ZNF784: variants seen among roughly 807,000 people sequenced by gnomAD.
The protein encoded by ZNF784 is zinc finger protein 784.
Under a neutral mutation model 3.3 loss-of-function variants are expected in ZNF784, and 5 were observed. That is an observed-to-expected ratio of 1.53 (90% CI 0.80 to 3.22). The LOEUF (loss-of-function observed/expected upper bound fraction) is 3.22, where lower values mean the gene tolerates loss of function less well. Among genes scored for constraint, ZNF784 ranks in the 30% most tolerant of loss-of-function variants. ZNF784 has a pLI of 0.00. For missense variants in ZNF784, 501 were observed against 480.7 expected (o/e 1.04, Z -0.39); for synonymous variants, 231 against 219.6 (o/e 1.05, Z -0.46).
In ZNF784 at chr19:55,622,615, G is replaced by A. The variant is rs1446144827; in HGVS notation, c.108C>T (p.Gly36=). 1.3e-6 allele frequency: 2 copies of A among 1,572,272 alleles called. No homozygotes were observed. Among genetic ancestry groups the A allele is most frequent in the Non-Finnish European group, 1.7e-6 (2 of 1,158,194 alleles). ...LVLVPDDCRP[G]TPPSDLIEIQ... ...TCTCGATGAGGTCACTCGGGGGTGT[G>A]CCAGGCCGGCAGTCATCAGGCACCA... Residue 36 remains glycine (G), a synonymous_variant, in exon 2 of 2, where the codon GGC becomes GGT. Coordinates refer to ENST00000325351, the MANE Select transcript of ZNF784 (RefSeq NM_203374.2). This position sits in a 1 kb window ranked among gnomAD's most constrained non-coding sequence, Gnocchi z 5.9.
At position 55,622,330 on chromosome 19, in the gene ZNF784, G is replaced by T; in HGVS notation, c.393C>A (p.Cys131Ter). The T allele has an allele frequency of 6.6e-7, 1 of 1,510,696 alleles. No homozygotes were observed. The highest frequency in any genetic ancestry group is 8.8e-7 in the Non-Finnish European group (1 of 1,130,860). The allele number at this position is 1,510,696 out of a possible 1,614,324, so 93.6% of individuals were successfully genotyped here. A position where few individuals can be genotyped will look rare whatever the true frequency, so the allele number is the denominator to read the frequency against. Residue 131 changes from cysteine to a stop codon, truncating the protein, a stop_gained, in exon 2 of 2, where the codon TGC (cysteine) becomes TGA (stop). Transcript: ENST00000325351. LOFTEE classifies it low-confidence loss of function (END_TRUNC). The surrounding 1 kb of genome is among the most constrained non-coding windows in gnomAD (Gnocchi z 5.9). ...SLHTGERPYR[C>*]ALCPRAFKAL... is the part of the protein sequence containing the mutation. ...CCTTGAAGGCGCGGGGGCAGAGCGC[G>T]CAGCGGTAGGGCCGCTCCCCCGTGT...
chr19:55,621,693 C>T lies in ZNF784; in HGVS notation c.*58G>A, dbSNP rs1600020333. 3 of 1,568,846 alleles carry T rather than the reference C, an allele frequency of 1.9e-6. No homozygotes were observed. Among genetic ancestry groups the T allele is most frequent in the Non-Finnish European group, 8.6e-7 (1 of 1,162,752 alleles). On this transcript the variant is annotated 3_prime_UTR_variant, in exon 2 of 2. Coordinates refer to ENST00000325351, the MANE Select transcript of ZNF784 (RefSeq NM_203374.2). The surrounding 1 kb of genome is among the most constrained non-coding windows in gnomAD (Gnocchi z 4.1). ...TGCCTCCGTTTCCCCACCCCGTCCC[C>T]CTCCCCGGGTCGGCCTCGTACCTCC...
intron 1 of ZNF784, 42 bp downstream of exon 1, chr19:55,624,442 C>G (rs764568087): frequency 6.6e-7 from 1 of 1,523,796 alleles, no homozygotes. Flanking sequence ...ACGACCTCCT[C>G]CCACCTCGAG....
Position 55,622,287 on chromosome 19 carries a change from G to T in ZNF784, c.436C>A (p.Arg146=). 1 of 1,524,640 alleles carries T rather than the reference G, an allele frequency of 6.6e-7. No homozygotes were observed. Among genetic ancestry groups the T allele is most frequent in the Middle Eastern group, 2.0e-4 (1 of 4,884 alleles). The allele number at this position is 1,524,640 out of a possible 1,614,324, so 94.4% of individuals were successfully genotyped here. A position where few individuals can be genotyped will look rare whatever the true frequency, so the allele number is the denominator to read the frequency against. Residue 146 remains arginine (R), a synonymous_variant, in exon 2 of 2, where the codon CGG becomes AGG. Coordinates refer to ENST00000325351, the MANE Select transcript of ZNF784 (RefSeq NM_203374.2). This position sits in a 1 kb window ranked among gnomAD's most constrained non-coding sequence, Gnocchi z 5.9. ...RAFKALAPLL[R]HQHRHGVEPG... ...TCCACCCCGTGCCGGTGCTGGTGCC[G>T]GAGCAGGGGCGCCAAGGCCTTGAAG...
Position 55,622,543 on chromosome 19 carries a change from C to G in ZNF784, c.180G>C (p.Pro60=). The change falls in exon 2 of 2, where the codon CCG becomes CCC. Residue 60 remains proline, a synonymous_variant. Coordinates refer to ENST00000325351, the MANE Select transcript of ZNF784 (RefSeq NM_203374.2). This position sits in a 1 kb window ranked among gnomAD's most constrained non-coding sequence, Gnocchi z 5.9. ...AGGCACAGTGGAAAGAACCTGGCTC[C>G]GGGGGCTCAGGGACCAGCGTGGTGT... is the stretch of plus-strand genomic sequence containing the variant. ...VTDTTLVPEP[P]EPGSFHCALC... 2 of 1,611,676 alleles carry G rather than the reference C, an allele frequency of 1.2e-6. No individual in the cohort carries two copies. The highest frequency in any genetic ancestry group is 2.2e-5 in the South Asian group (2 of 90,730).
chr19:55,621,756 G>T lies in ZNF784; in HGVS notation c.967C>A (p.Gln323Lys). 5.6e-6 allele frequency: 9 copies of T among 1,596,894 alleles called. No homozygotes were observed. The highest frequency in any genetic ancestry group is 7.6e-6 in the Non-Finnish European group (9 of 1,179,708). The stretch of plus-strand genomic sequence containing the variant: ...CCATGTCCCTGGTCTGCAGCCTACT[G>T]GTCGGCCTCCACCTTCACCTTCGCG... ...ETAKVKVEADQ is the reference protein window; with the variant it reads ...ETAKVKVEADK The change falls in exon 2 of 2, where the codon CAG becomes AAG. Residue 323 changes from glutamine (Q) to lysine (K), a missense_variant. Coordinates refer to ENST00000325351, the MANE Select transcript of ZNF784 (RefSeq NM_203374.2). The surrounding 1 kb of genome is among the most constrained non-coding windows in gnomAD (Gnocchi z 4.1).
rs1488404228 is a variant in ZNF784, at chr19:55,622,327, C to A, written c.396G>T (p.Ala132=). ...AGGCCTTGAAGGCGCGGGGGCAGAGCGCGCAGCGGTAGGGCCGCTCCCCCG... is the reference window on the plus strand; with the variant it reads ...AGGCCTTGAAGGCGCGGGGGCAGAGAGCGCAGCGGTAGGGCCGCTCCCCCG... The part of the protein sequence containing the change: ...LHTGERPYRC[A]LCPRAFKALA... Residue 132 remains alanine, a synonymous_variant, in exon 2 of 2, where the codon GCG becomes GCT. Transcript: ENST00000325351. The surrounding 1 kb of genome is among the most constrained non-coding windows in gnomAD (Gnocchi z 5.9). 1.3e-6 allele frequency: 2 copies of A among 1,509,392 alleles called. No homozygotes were observed. Among genetic ancestry groups the A allele is most frequent in the African/African-American group, 1.4e-5 (1 of 71,544 alleles). The allele number at this position is 1,509,392 out of a possible 1,614,324, so 93.5% of individuals were successfully genotyped here.
At position 55,622,185 on chromosome 19, in the gene ZNF784, C is replaced by T. The variant is rs200843026; in HGVS notation, c.538G>A (p.Glu180Lys). The T allele has an allele frequency of 9.7e-3, 14,867 of 1,533,858 alleles. 101 individuals carry two copies. The highest frequency in any genetic ancestry group is 0.02 in the South Asian group (1,711 of 83,828). Residue 180 changes from glutamate to lysine, a missense_variant, in exon 2 of 2, where the codon GAG becomes AAG. Physicochemically the swap from Glu to Lys is moderately conservative, Grantham distance 56. Coordinates refer to ENST00000325351, the MANE Select transcript of ZNF784 (RefSeq NM_203374.2). This position sits in a 1 kb window ranked among gnomAD's most constrained non-coding sequence, Gnocchi z 5.9. ...GCCGCCGCCGCCGCCATCACCACCT[C>T]CGCCCTCTCCGGGGCCACCCCGGGC... The part of the protein sequence containing the change: ...QRPGVAPERA[E>K]VVMAAAAAGA...
At position 55,622,335 on chromosome 19, in the gene ZNF784, G is replaced by T. The variant is rs1981596926; in HGVS notation, c.388C>A (p.Arg130Ser). ...YSLHTGERPY[R>S]CALCPRAFKA... The stretch of plus-strand genomic sequence containing the variant: ...AAGGCGCGGGGGCAGAGCGCGCAGC[G>T]GTAGGGCCGCTCCCCCGTGTGCAAG... Residue 130 changes from arginine to serine, a missense_variant, in exon 2 of 2, where the codon CGC becomes AGC. Arg to Ser is a moderately radical substitution (Grantham distance 110, BLOSUM62 -1). Coordinates refer to ENST00000325351, the MANE Select transcript of ZNF784 (RefSeq NM_203374.2). The surrounding 1 kb of genome is among the most constrained non-coding windows in gnomAD (Gnocchi z 5.9). 16 of 1,511,794 alleles carry T rather than the reference G, an allele frequency of 1.1e-5. No homozygotes were observed. The highest frequency in any genetic ancestry group is 3.7e-4 in the Middle Eastern group (2 of 5,362). The allele number at this position is 1,511,794 out of a possible 1,614,324, so 93.6% of individuals were successfully genotyped here.
Position 55,622,106 on chromosome 19 carries a change from C to G in ZNF784, c.617G>C (p.Arg206Pro). 6.4e-7 allele frequency: 1 copy of G among 1,563,410 alleles called. No homozygotes were observed. The highest frequency in any genetic ancestry group is 8.6e-7 in the Non-Finnish European group (1 of 1,162,346). ...GTGGTCTCGCATGTCTGAGGAGCGG[C>G]GGAAGGGCTTGGCGCAGAACCTGCA... is the stretch of plus-strand genomic sequence containing the variant. ...FACRFCAKPF[R>P]RSSDMRDHER... Residue 206 changes from arginine (R) to proline (P), a missense_variant, in exon 2 of 2, where the codon CGC (arginine) becomes CCC (proline). Coordinates refer to ENST00000325351, the MANE Select transcript of ZNF784 (RefSeq NM_203374.2). The surrounding 1 kb of genome is among the most constrained non-coding windows in gnomAD (Gnocchi z 5.9).
At chr19:55,624,381 C>A in intron 1 of ZNF784, 103 bp downstream of exon 1, 1 of 1,025,394 alleles carries the variant, frequency 9.8e-7, no homozygotes, top group Admixed American at 2.6e-5. Context: ...CACTAAATAC[C>A]TCCCTCGCCC....
At chr19:55,623,324 G>A (rs1223649441) in intron 1 of ZNF784, among the ~76,000 whole-genome samples, 1 of 152,190 alleles carries the variant, frequency 6.6e-6, no homozygotes, top group Non-Finnish European at 1.5e-5. Context: ...GTGAGCCGCC[G>A]CGCCCGGCCC....
In ZNF784 at chr19:55,621,656, T is replaced by G; in HGVS notation, c.*95A>C. 1 of 1,437,230 alleles carries G rather than the reference T, an allele frequency of 7.0e-7. No individual in the cohort carries two copies. The highest frequency in any genetic ancestry group is 9.4e-7 in the Non-Finnish European group (1 of 1,065,624). The allele number at this position is 1,437,230 out of a possible 1,614,324, so 89.0% of individuals were successfully genotyped here. On this transcript the variant is annotated 3_prime_UTR_variant, in exon 2 of 2. Transcript: ENST00000325351. This position sits in a 1 kb window ranked among gnomAD's most constrained non-coding sequence, Gnocchi z 4.1. ...CTGTCATCTCTCCCCCAATCTCCCC[T>G]CTTCTGTCCCCTGCCTCCGTTTCCC... is the stretch of plus-strand genomic sequence containing the variant.
rs959361594 is a variant in ZNF784 at position 55,621,361 on chromosome 19, C to T, written c.*390G>A. On this transcript the variant is annotated 3_prime_UTR_variant, in exon 2 of 2. Transcript: ENST00000325351. The surrounding 1 kb of genome is among the most constrained non-coding windows in gnomAD (Gnocchi z 4.1). ...AGACTATGGTGGACCCCAATTCCCC[C>T]CTTCCATTCGATCCTGGCTCCTCCT... 9.4e-6 allele frequency: 3 copies of T among 319,210 alleles called. No homozygotes were observed. Among genetic ancestry groups the T allele is most frequent in the South Asian group, 6.5e-5 (2 of 30,748 alleles). The allele number at this position is 319,210 out of a possible 1,614,324, so 19.8% of individuals were successfully genotyped here.
Position 55,624,417 on chromosome 19 carries a change from C to T in ZNF784, c.78+67G>A, listed in dbSNP as rs758270021. ...ACCCCCTCATAGGCCACGCCCCGGA[C>T]CCGCCCCCCACACTACGACCTCCTC... On this transcript the variant is annotated intron_variant, in intron 1 of 1. Coordinates refer to ENST00000325351, the MANE Select transcript of ZNF784 (RefSeq NM_203374.2). 6 of 1,397,586 alleles carry T rather than the reference C, an allele frequency of 4.3e-6. No homozygotes were observed. The Admixed American group carries it at 8.8e-5, about 21-fold the overall frequency. The allele number at this position is 1,397,586 out of a possible 1,614,324, so 86.6% of individuals were successfully genotyped here.
Position 55,621,569 on chromosome 19 carries a change from G to A in ZNF784, c.*182C>T. On this transcript the variant is annotated 3_prime_UTR_variant, in exon 2 of 2. Coordinates refer to ENST00000325351, the MANE Select transcript of ZNF784 (RefSeq NM_203374.2). This position sits in a 1 kb window ranked among gnomAD's most constrained non-coding sequence, Gnocchi z 4.1. ...AGAGGTGCTGTGTGGGCGTGTGGGA[G>A]TCTGGAGCCTGGCCCTCTCCCTCTG... 1.2e-6 allele frequency: 1 copy of A among 806,302 alleles called. No individual in the cohort carries two copies. Among genetic ancestry groups the A allele is most frequent in the African/African-American group, 1.7e-5 (1 of 58,252 alleles). The allele number at this position is 806,302 out of a possible 1,614,324, so 49.9% of individuals were successfully genotyped here.
At chr19:55,624,029 C>T (rs1012740241) in intron 1 of ZNF784, among the ~76,000 whole-genome samples, 53 of 152,112 alleles carry the variant, frequency 3.5e-4, no homozygotes, top group Non-Finnish European at 7.2e-4. Flanking sequence ...ATCACTAAGA[C>T]CCTTGAAGAA....
chr19:55,622,367 TGC>T lies in ZNF784; in HGVS notation c.354_355del (p.His119LeufsTer121), dbSNP rs771639953. 3.9e-6 allele frequency: 6 copies of T among 1,532,672 alleles called. No homozygotes were observed. The East Asian group carries it at 1.2e-4, about 30-fold the overall frequency. 94.9% of individuals were successfully genotyped at this position (1,532,672 alleles called of 1,614,324 possible). A position where few individuals can be genotyped will look rare whatever the true frequency, so the allele number is the denominator to read the frequency against. On this transcript the variant is annotated frameshift_variant, in exon 2 of 2. Transcript: ENST00000325351. LOFTEE classifies it low-confidence loss of function (END_TRUNC). This position sits in a 1 kb window ranked among gnomAD's most constrained non-coding sequence, Gnocchi z 5.9. Reference sequence around the variant, plus strand: ...CCGCTCCCCCGTGTGCAAGCTGTAGTGCGCGCGCAGGCTGGCGGGGCCCGGGC... The same window carrying T: ...CCGCTCCCCCGTGTGCAAGCTGTAGTGCGCGCAGGCTGGCGGGGCCCGGGC...
In ZNF784 at chr19:55,621,831, C is replaced by T; in HGVS notation, c.892G>A (p.Gly298Arg). Residue 298 changes from glycine to arginine, a missense_variant, in exon 2 of 2, where the codon GGG becomes AGG. Transcript: ENST00000325351. The surrounding 1 kb of genome is among the most constrained non-coding windows in gnomAD (Gnocchi z 4.1). ...GGGTCCCCTACCCCACACCCGCTCCCCGACCCCTCAGCCGCCGACGAGCCC... is the reference window on the plus strand; with the variant it reads ...GGGTCCCCTACCCCACACCCGCTCCTCGACCCCTCAGCCGCCGACGAGCCC... Reference protein sequence around the residue: ...QLGSSAAEGSGSGCGVGDPAE... With the variant: ...QLGSSAAEGSRSGCGVGDPAE... The T allele has an allele frequency of 6.3e-7, 1 of 1,587,732 alleles. No individual in the cohort carries two copies. The highest frequency in any genetic ancestry group is 8.5e-7 in the Non-Finnish European group (1 of 1,175,268).
Sources: gnomAD v4.1 joint callset for allele counts (sites outside exome capture counted in the v4.1 genomes callset) on GRCh38, gnomAD v4.1.1 for gene constraint, Gnocchi (gnomAD v3.1) non-coding constraint, MANE v1.5 for transcripts, NCBI Gene and HGNC (gene_info 2026-07-23, HGNC 2026-07-21) for gene names.